PRKG1: variants seen among roughly 807,000 people sequenced by gnomAD.
PRKG1 encodes the protein protein kinase cGMP-dependent 1, also known as cGMP-dependent protein kinase 1.
A neutral mutation model predicts 88.1 loss-of-function variants in PRKG1; 35 were observed. That is an observed-to-expected ratio of 0.40 (90% CI 0.30 to 0.53). The LOEUF is 0.53. Among genes scored for constraint, PRKG1 ranks in the 20% least tolerant of loss-of-function variants. The probability of loss-of-function intolerance (pLI) is 0.59; values close to 1 mark genes in which losing one functional copy is unlikely to be tolerated. For synonymous variants in PRKG1, 303 were observed against 292.5 expected, an observed-to-expected ratio of 1.04 and a Z score of -0.37; for missense variants, 540 against 839.8, an observed-to-expected ratio of 0.64 and a Z score of 4.41.
Position 51,023,424 on chromosome 10 carries a change from T to A in PRKG1, c.266+31780T>A, listed in dbSNP as rs145713607. Among the ~76,000 whole-genome samples, 189 of 152,312 alleles carry A rather than the reference T, an allele frequency of 1.2e-3. 1 individual carries two copies. The highest frequency in any genetic ancestry group is 4.3e-3 in the African/African-American group (177 of 41,570). On this transcript the variant is annotated intron_variant, in intron 1 of 17. Transcript: ENST00000401604. ...TCATGGCCCTTTTCACAGTGAACTG[T>A]CCAGTGAGATTTATCTATAAAGCAT...
intron 3 of PRKG1, among the ~76,000 whole-genome samples, chr10:51,633,150 G>C (rs1235376930): frequency 6.6e-6 from 1 of 152,144 alleles, no homozygotes; most frequent in African/African-American, 2.4e-5. Context: ...AGAGGTACAA[G>C]AAGAGTTGAA....
At chr10:51,712,300 G>T (rs1841772858) in intron 3 of PRKG1, among the ~76,000 whole-genome samples, 1 of 152,144 alleles carries the variant, frequency 6.6e-6, no homozygotes, top group African/African-American at 2.4e-5. Context: ...TGCTTCAGGG[G>T]AAGATCAGAA....
At chr10:51,876,677 AC>A (rs1841308246) in intron 4 of PRKG1, among the ~76,000 whole-genome samples, 1 of 152,166 alleles carries the variant, frequency 6.6e-6, no homozygotes, top group South Asian at 2.1e-4. Context: ...AGCTGCCAGC[AC>A]CTGCAAGTGT....
At chr10:51,032,126 C>G (rs1843291385) in intron 1 of PRKG1, among the ~76,000 whole-genome samples, 1 of 152,130 alleles carries the variant, frequency 6.6e-6, no homozygotes, top group South Asian at 2.1e-4. Context: ...ATTCCAGGCT[C>G]CTGAAGCAGC....
chr10:51,932,559 C>T (rs1185409879), intron 5 of PRKG1, among the ~76,000 whole-genome samples: 3 of 152,110 alleles, frequency 2.0e-5, no homozygotes, highest in Non-Finnish European at 4.4e-5. Flanking sequence ...AATTTTTATG[C>T]TGCTCTGCCT....
chr10:51,577,070 C>A (rs1475857493), intron 3 of PRKG1, among the ~76,000 whole-genome samples: 2 of 152,034 alleles, frequency 1.3e-5, no homozygotes, highest in African/African-American at 4.8e-5. Context: ...TAATCACTTA[C>A]CATTTCTGAG....
chr10:51,897,861 A>G (rs1841889118), intron 4 of PRKG1, among the ~76,000 whole-genome samples: 1 of 150,708 alleles, frequency 6.6e-6, no homozygotes, highest in East Asian at 1.9e-4. Context: ...TAAAACTGGC[A>G]GAAGGATTTT....
chr10:51,585,094 A>G (rs537088960), intron 3 of PRKG1, among the ~76,000 whole-genome samples: 10 of 152,244 alleles, frequency 6.6e-5, no homozygotes, highest in Non-Finnish European at 1.0e-4. Context: ...CTGTCAAGAA[A>G]TTCATAAACT....
rs569598508 is a variant in PRKG1 at position 51,099,016 on chromosome 10, G to A, written c.311+24115G>A. On this transcript the variant is annotated intron_variant, in intron 1 of 17. Transcript: ENST00000373980. The stretch of plus-strand genomic sequence containing the variant: ...AGAGAGTTGTAATTTTTCCTCCAGC[G>A]TTCCTTGCTGCACTCTGTGAAACAC... 4.6e-5 allele frequency among the ~76,000 whole-genome samples: 7 copies of A among 152,246 alleles called. No individual in the cohort carries two copies. In the East Asian group the frequency reaches 7.7e-4, roughly 17 times the overall value.
Position 52,294,036 on chromosome 10 carries a change from C to T in PRKG1, c.*136C>T. The T allele has an allele frequency of 1.5e-6, 1 of 659,874 alleles. No homozygotes were observed. Among genetic ancestry groups the T allele is most frequent in the Non-Finnish European group, 2.6e-6 (1 of 383,628 alleles). The allele number at this position is 659,874 out of a possible 1,614,324, so 40.9% of individuals were successfully genotyped here. A position where few individuals can be genotyped will look rare whatever the true frequency, so the allele number is the denominator to read the frequency against. The stretch of plus-strand genomic sequence containing the variant: ...CCTTTGATCGATGCTGCTCCAGTAA[C>T]TACAGTGGCATTAGGACTTACCGCT... On this transcript the variant is annotated 3_prime_UTR_variant, in exon 18 of 18. Coordinates refer to ENST00000373980, the MANE Select transcript of PRKG1 (RefSeq NM_006258.4).
rs144721686 is a variant in PRKG1 at position 51,451,071 on chromosome 10, C to T, written c.479-16652C>T. On this transcript the variant is annotated intron_variant, in intron 2 of 17. Coordinates refer to ENST00000373980, the MANE Select transcript of PRKG1 (RefSeq NM_006258.4). ...ATTTTTAAGTGCATAAAATACACTACTTTCGACTACCAAAACAACTATTTA... is the reference window on the plus strand; with the variant it reads ...ATTTTTAAGTGCATAAAATACACTATTTTCGACTACCAAAACAACTATTTA... Among the ~76,000 whole-genome samples, 39 of 151,942 alleles carry T rather than the reference C, an allele frequency of 2.6e-4. No individual in the cohort carries two copies. The East Asian group carries it at 7.2e-3, about 28-fold the overall frequency.
intron 3 of PRKG1, among the ~76,000 whole-genome samples, chr10:51,541,470 T>C (rs149184070): frequency 5.3e-5 from 8 of 152,330 alleles, no homozygotes; most frequent in Admixed American, 2.0e-4. Flanking sequence ...GGATCGATAT[T>C]CAATTGCTAT....
At chr10:51,947,396 G>C (rs4935022) in intron 5 of PRKG1, among the ~76,000 whole-genome samples, 118,604 of 151,998 alleles carry the variant, frequency 0.78, 46,830 homozygotes, top group African/African-American at 0.9. Context: ...AAAGGGAACT[G>C]CCTGACCCCT....
At chr10:51,350,697 A>T (rs1183562513) in intron 2 of PRKG1, among the ~76,000 whole-genome samples, 1 of 152,220 alleles carries the variant, frequency 6.6e-6, no homozygotes, top group Non-Finnish European at 1.5e-5. Flanking sequence ...CTACAAGAAA[A>T]CTATTGGAAC....
intron 1 of PRKG1, among the ~76,000 whole-genome samples, chr10:51,084,989 G>A (rs1844211663): frequency 6.6e-6 from 1 of 152,186 alleles, no homozygotes; most frequent in South Asian, 2.1e-4. Flanking sequence ...TCATCTTAAT[G>A]GTCCAGTTTT....
chr10:51,078,565 G>A (rs962121256), intron 1 of PRKG1, among the ~76,000 whole-genome samples: 1 of 149,358 alleles, frequency 6.7e-6, no homozygotes, highest in Non-Finnish European at 1.5e-5. Flanking sequence ...TACTTTGGAG[G>A]AGTTGAGGAT....
intron 3 of PRKG1, among the ~76,000 whole-genome samples, chr10:51,705,008 T>A (rs1405579841): frequency 1.3e-5 from 2 of 152,242 alleles, no homozygotes; most frequent in African/African-American, 4.8e-5. Flanking sequence ...TATAACACAC[T>A]CTGTTACGTA....
intron 3 of PRKG1, among the ~76,000 whole-genome samples, chr10:51,707,019 GCTTGTA>G (rs753833703): frequency 3.3e-5 from 5 of 152,002 alleles, no homozygotes; most frequent in South Asian, 2.1e-4. Context: ...TTATTGAAAG[GCTTGTA>G]CTTGTACTAA....
chr10:51,162,299 T>C (rs1846384365), intron 2 of PRKG1, among the ~76,000 whole-genome samples: 1 of 151,836 alleles, frequency 6.6e-6, no homozygotes, highest in African/African-American at 2.4e-5. Context: ...AATTCTCCCA[T>C]GTCTCCACAT....
Sources: allele counts gnomAD v4.1 joint callset (sites outside exome capture counted in the v4.1 genomes callset), GRCh38; gene constraint gnomAD v4.1.1; transcripts MANE v1.5; gene names NCBI Gene and HGNC (gene_info 2026-07-23, HGNC 2026-07-21).